Variants in ST3GAL1 observed in about 807,000 individuals in gnomAD.
ST3GAL1 encodes ST3 beta-galactoside alpha-2,3-sialyltransferase 1.
ST3GAL1 carries 16 observed loss-of-function variants against 34.1 expected under a neutral mutation model. That is an observed-to-expected ratio of 0.47 (90% CI 0.32 to 0.71). The LOEUF is 0.71. Among genes scored for constraint, ST3GAL1 ranks in the 30% least tolerant of loss-of-function variants. The pLI is 0.04. For missense variants in ST3GAL1, 353 were observed against 447.4 expected (o/e 0.79, Z 1.90); for synonymous variants, 191 against 184.7 (o/e 1.03, Z -0.28).
chr8:133,570,429 C>G lies in ST3GAL1; in HGVS notation c.-582+1264G>C, dbSNP rs954204889. ...CGCAGTGACCTGCCCAACCCCCACC[C>G]CCTTGCGCGCTTCTGGGTGCGCACG... On this transcript the variant is annotated intron_variant, in intron 1 of 9. Coordinates refer to ENST00000522652, the MANE Select transcript of ST3GAL1 (RefSeq NM_173344.3). This position sits in a 1 kb window ranked among gnomAD's most constrained non-coding sequence, Gnocchi z 5.6. The G allele has an allele frequency of 2.6e-5, 4 of 152,272 alleles. No homozygotes were observed. Among genetic ancestry groups the G allele is most frequent in the African/African-American group, 7.2e-5 (3 of 41,460 alleles). 9.4% of individuals were successfully genotyped at this position (152,272 alleles called of 1,614,324 possible).
chr8:133,559,704 G>A (rs919677254), intron 1 of ST3GAL1, among the ~76,000 whole-genome samples: 3 of 152,182 alleles, frequency 2.0e-5, no homozygotes, highest in Admixed American at 6.5e-5. Flanking sequence ...GTTATTAAAA[G>A]GGAATTTTCC....
rs570189427 is a variant in ST3GAL1, at chr8:133,467,941, C to T, written c.307-1851G>A. 3.8e-4 allele frequency among the ~76,000 whole-genome samples: 58 copies of T among 152,290 alleles called. No homozygotes were observed. The highest frequency in any genetic ancestry group is 1.3e-3 in the African/African-American group (56 of 41,570). On this transcript the variant is annotated intron_variant, in intron 5 of 9. Coordinates refer to ENST00000522652, the MANE Select transcript of ST3GAL1 (RefSeq NM_173344.3). This position sits in a 1 kb window ranked among gnomAD's most constrained non-coding sequence, Gnocchi z 4.2. The stretch of plus-strand genomic sequence containing the variant: ...TCTGGACCACACTTCACACCCACTG[C>T]TACAGTTATCATAAGTAAAAGGGCA...
At chr8:133,511,255 C>T (rs1382317138) in intron 2 of ST3GAL1, among the ~76,000 whole-genome samples, 1 of 152,158 alleles carries the variant, frequency 6.6e-6, no homozygotes, top group African/African-American at 2.4e-5. Context: ...CTTTAATTAA[C>T]AGTACTTATG....
rs1041159377 is a variant in ST3GAL1 at position 133,508,111 on chromosome 8, G to C, written c.-428-8922C>G. 6.6e-6 allele frequency among the ~76,000 whole-genome samples: 1 copy of C among 152,116 alleles called. No homozygotes were observed. On this transcript the variant is annotated intron_variant, in intron 2 of 9. Coordinates refer to ENST00000522652, the MANE Select transcript of ST3GAL1 (RefSeq NM_173344.3). This position sits in a 1 kb window ranked among gnomAD's most constrained non-coding sequence, Gnocchi z 4.1. ...ACCTTTTCCTTCAGTTTCCCCCACT[G>C]ATGGTAAGTACTAGAGTTGAAAAAA...
chr8:133,487,333 C>A (rs978642708), intron 3 of ST3GAL1, among the ~76,000 whole-genome samples: 1 of 119,308 alleles, frequency 8.4e-6, no homozygotes, highest in African/African-American at 3.0e-5. Context: ...AATTCCTGAC[C>A]ATCACAAAAG....
At chr8:133,514,706 G>C (rs1029309517) in intron 2 of ST3GAL1, among the ~76,000 whole-genome samples, 2 of 152,154 alleles carry the variant, frequency 1.3e-5, no homozygotes, top group African/African-American at 2.4e-5. Context: ...AATGAGCAAG[G>C]CTACAAGGAA....
At position 133,456,061 on chromosome 8, in the gene ST3GAL1, A is replaced by G. The variant is rs1454623652; in HGVS notation, c.*3703T>C. 6.6e-6 allele frequency: 1 copy of G among 150,744 alleles called. No homozygotes were observed. Among genetic ancestry groups the G allele is most frequent in the Non-Finnish European group, 1.5e-5 (1 of 67,708 alleles). The allele number at this position is 150,744 out of a possible 1,614,324, so 9.3% of individuals were successfully genotyped here. On this transcript the variant is annotated 3_prime_UTR_variant, in exon 10 of 10. Coordinates refer to ENST00000522652, the MANE Select transcript of ST3GAL1 (RefSeq NM_173344.3). ...CCTATTTTACATTCTATTTTCTCAT[A>G]TCCAGCTTTTCTCTCTAAGCCTAAC...
At chr8:133,519,763 T>C (rs1817748543) in intron 2 of ST3GAL1, among the ~76,000 whole-genome samples, 1 of 141,838 alleles carries the variant, frequency 7.1e-6, no homozygotes, top group African/African-American at 2.6e-5. Context: ...CTGGCCAACA[T>C]AGTGAAACCC....
At chr8:133,480,201 A>G (rs1816329960) in intron 3 of ST3GAL1, among the ~76,000 whole-genome samples, 1 of 152,216 alleles carries the variant, frequency 6.6e-6, no homozygotes, top group African/African-American at 2.4e-5. Context: ...GCACCTGCAC[A>G]CAACAGAGCT....
At chr8:133,520,922 C>T (rs149549893) in intron 2 of ST3GAL1, among the ~76,000 whole-genome samples, 2,012 of 150,294 alleles carry the variant, frequency 0.013, 21 homozygotes, top group South Asian at 0.054. Context: ...CAGGTGTGCA[C>T]CACCACACCC....
chr8:133,475,055 G>A (rs1816115311), intron 5 of ST3GAL1, among the ~76,000 whole-genome samples: 1 of 152,208 alleles, frequency 6.6e-6, no homozygotes, highest in Admixed American at 6.5e-5. Flanking sequence ...CGCCTCTGTG[G>A]GTGAAATTGT....
At chr8:133,559,455 G>C (rs1227428277) in intron 1 of ST3GAL1, among the ~76,000 whole-genome samples, 1 of 152,146 alleles carries the variant, frequency 6.6e-6, no homozygotes, top group Admixed American at 6.5e-5. Context: ...GGTACTGTCT[G>C]CCTAATCTCT....
Position 133,570,008 on chromosome 8 carries a change from C to A in ST3GAL1, c.-582+1685G>T, listed in dbSNP as rs1260853184. ...GAAGAAGGGGGCGTCCGGGCCCCTGCCAGCACCTTCCACCTTGGGGCCTTG... is the reference window on the plus strand; with the variant it reads ...GAAGAAGGGGGCGTCCGGGCCCCTGACAGCACCTTCCACCTTGGGGCCTTG... On this transcript the variant is annotated intron_variant, in intron 1 of 9. Coordinates refer to ENST00000522652, the MANE Select transcript of ST3GAL1 (RefSeq NM_173344.3). The surrounding 1 kb of genome is among the most constrained non-coding windows in gnomAD (Gnocchi z 5.6). The A allele has an allele frequency of 6.6e-6, 1 of 152,408 alleles. No homozygotes were observed. Among genetic ancestry groups the A allele is most frequent in the East Asian group, 1.9e-4 (1 of 5,198 alleles). The allele number at this position is 152,408 out of a possible 1,614,324, so 9.4% of individuals were successfully genotyped here. A position where few individuals can be genotyped will look rare whatever the true frequency, so the allele number is the denominator to read the frequency against.
intron 2 of ST3GAL1, among the ~76,000 whole-genome samples, chr8:133,532,483 C>T (rs1818185186): frequency 6.6e-6 from 1 of 151,952 alleles, no homozygotes; most frequent in South Asian, 2.1e-4. Flanking sequence ...ATTTATGTTA[C>T]CATATGATAG....
intron 3 of ST3GAL1, among the ~76,000 whole-genome samples, chr8:133,496,855 T>C (rs894021753): frequency 5.3e-5 from 8 of 152,312 alleles, no homozygotes; most frequent in South Asian, 4.1e-4. Context: ...ATACCACCCC[T>C]CTTCCGAGTT....
chr8:133,496,336 G>C (rs139325184), intron 3 of ST3GAL1, among the ~76,000 whole-genome samples: 420 of 152,300 alleles, frequency 2.8e-3, no homozygotes, highest in African/African-American at 8.9e-3. Flanking sequence ...CTCAGGTGAA[G>C]GAGAGGTGAG....
chr8:133,459,087 G>A lies in ST3GAL1; in HGVS notation c.*677C>T, dbSNP rs1815402328. The A allele has an allele frequency of 6.6e-6, 1 of 152,058 alleles. No individual in the cohort carries two copies. The highest frequency in any genetic ancestry group is 2.4e-5 in the African/African-American group (1 of 41,352). The allele number at this position is 152,058 out of a possible 1,614,324, so 9.4% of individuals were successfully genotyped here. A position where few individuals can be genotyped will look rare whatever the true frequency, so the allele number is the denominator to read the frequency against. On this transcript the variant is annotated 3_prime_UTR_variant, in exon 10 of 10. Coordinates refer to ENST00000522652, the MANE Select transcript of ST3GAL1 (RefSeq NM_173344.3). The surrounding 1 kb of genome is among the most constrained non-coding windows in gnomAD (Gnocchi z 4.7). ...ATCTTTTATTTTTGTAGAGACAGGA[G>A]TCTCACTATGTTGCCCAGGCTGGTC...
intron 1 of ST3GAL1, among the ~76,000 whole-genome samples, chr8:133,555,653 G>C (rs1013689428): frequency 2.0e-5 from 3 of 152,178 alleles, no homozygotes; most frequent in Non-Finnish European, 4.4e-5. Context: ...AAGCCATTTA[G>C]GACCCACCTG....
intron 3 of ST3GAL1, among the ~76,000 whole-genome samples, chr8:133,491,691 A>G (rs1232272102): frequency 2.6e-5 from 4 of 152,082 alleles, no homozygotes; most frequent in Non-Finnish European, 5.9e-5. Context: ...CACGTTATAA[A>G]CCCAGCTACT....
Sources: gnomAD v4.1 joint callset for allele counts (sites outside exome capture counted in the v4.1 genomes callset) on GRCh38, gnomAD v4.1.1 for gene constraint, Gnocchi (gnomAD v3.1) non-coding constraint, MANE v1.5 for transcripts, NCBI Gene and HGNC (gene_info 2026-07-23, HGNC 2026-07-21) for gene names.